LHFPL6: variants seen among roughly 807,000 people sequenced by gnomAD.
The protein encoded by LHFPL6 is LHFPL tetraspan subfamily member 6 protein.
A neutral mutation model predicts 20.6 loss-of-function variants in LHFPL6; 9 were observed. That is an observed-to-expected ratio of 0.44 (90% CI 0.26 to 0.76). LHFPL6 has a LOEUF of 0.76. Among genes scored for constraint, LHFPL6 ranks in the 30% least tolerant of loss-of-function variants. The probability of loss-of-function intolerance (pLI) is 0.20; values close to 1 mark genes in which losing one functional copy is unlikely to be tolerated. For missense variants in LHFPL6, 218 were observed against 253.5 expected (o/e 0.86, Z 0.95); for synonymous variants, 105 against 98.7 (o/e 1.06, Z -0.38).
At chr13:39,532,992 G>T (rs1480673817) in intron 2 of LHFPL6, among the ~76,000 whole-genome samples, 1 of 152,138 alleles carries the variant, frequency 6.6e-6, no homozygotes, top group Non-Finnish European at 1.5e-5. Context: ...TTTCTGAAAA[G>T]CACTTTGGAA....
intron 2 of LHFPL6, among the ~76,000 whole-genome samples, chr13:39,419,886 G>T (rs796577961): frequency 6.6e-6 from 1 of 152,072 alleles, no homozygotes; most frequent in Non-Finnish European, 1.5e-5. Flanking sequence ...AAAAATCCAA[G>T]TACTTTTTAT....
chr13:39,482,141 C>T (rs1191441615), intron 2 of LHFPL6, among the ~76,000 whole-genome samples: 1 of 152,146 alleles, frequency 6.6e-6, no homozygotes, highest in Admixed American at 6.6e-5. Flanking sequence ...TGGATGGAAT[C>T]ATATAAAAAG....
chr13:39,429,014 T>A (rs1264637377), intron 2 of LHFPL6, among the ~76,000 whole-genome samples: 4 of 152,198 alleles, frequency 2.6e-5, no homozygotes, highest in African/African-American at 9.6e-5. Flanking sequence ...TTAATTCCAT[T>A]GTGGTCAGAC....
At chr13:39,537,115 G>C (rs1357794981) in intron 2 of LHFPL6, among the ~76,000 whole-genome samples, 1 of 152,172 alleles carries the variant, frequency 6.6e-6, no homozygotes, top group African/African-American at 2.4e-5. Flanking sequence ...GTTCATTCAT[G>C]GTTCTCTGTT....
In LHFPL6 at chr13:39,426,224, C is replaced by CTT. The variant is rs148406280; in HGVS notation, c.386-47700_386-47699dup. 1.7e-3 allele frequency among the ~76,000 whole-genome samples: 245 copies of CTT among 143,812 alleles called. 1 individual carries two copies. The highest frequency in any genetic ancestry group is 5.5e-3 in the African/African-American group (218 of 39,282). The allele number at this position is 143,812 out of a possible 152,430, so 94.3% of individuals were successfully genotyped here. On this transcript the variant is annotated intron_variant, in intron 2 of 3. Transcript: ENST00000379589. ...TACTTTCTTTTCTTTTTTTCTTTTT[C>CTT]TTTTTTTTTTTTTGAGATGGAGTTT...
chr13:39,565,266 T>TA (rs67039805), intron 2 of LHFPL6, among the ~76,000 whole-genome samples: 44 of 150,058 alleles, frequency 2.9e-4, no homozygotes, highest in Middle Eastern at 3.4e-3. Context: ...AGTGTACCCT[T>TA]AAAAAAAAAA....
intron 3 of LHFPL6, among the ~76,000 whole-genome samples, chr13:39,371,115 C>A (rs1010229017): frequency 6.6e-6 from 1 of 152,176 alleles, no homozygotes; most frequent in Non-Finnish European, 1.5e-5. Context: ...TCTTTATCAA[C>A]ACTGGGAGGC....
At chr13:39,585,740 G>A (rs1566148199) in intron 2 of LHFPL6, among the ~76,000 whole-genome samples, 2 of 152,116 alleles carry the variant, frequency 1.3e-5, no homozygotes, top group South Asian at 4.1e-4. Flanking sequence ...TGCCCAATGG[G>A]ACTCTCTTAG....
chr13:39,464,700 C>CTTTTT (rs57418375), intron 2 of LHFPL6, among the ~76,000 whole-genome samples: 3 of 137,914 alleles, frequency 2.2e-5, no homozygotes, highest in Non-Finnish European at 3.2e-5. Flanking sequence ...AAAGCACAGT[C>CTTTTT]TTTTTTTTTT....
intron 3 of LHFPL6, among the ~76,000 whole-genome samples, chr13:39,377,820 T>G (rs1417284695): frequency 1.3e-5 from 2 of 152,240 alleles, no homozygotes. Context: ...ATCACATTTA[T>G]CAGAGTAGCA....
In LHFPL6 at chr13:39,510,618, G is replaced by T. The variant is rs536692044; in HGVS notation, c.385+90214C>A. Among the ~76,000 whole-genome samples, 20 of 152,206 alleles carry T rather than the reference G, an allele frequency of 1.3e-4. No individual in the cohort carries two copies. In the East Asian group the frequency reaches 3.7e-3, roughly 28 times the overall value. ...TCAACAAACCTTATGTCAATCAAGA[G>T]ATCAGAACACATCTTTCTAGAAAGA... On this transcript the variant is annotated intron_variant, in intron 2 of 3. Coordinates refer to ENST00000379589, the MANE Select transcript of LHFPL6 (RefSeq NM_005780.3).
intron 2 of LHFPL6, among the ~76,000 whole-genome samples, chr13:39,594,968 G>C (rs915646580): frequency 4.6e-5 from 7 of 152,118 alleles, no homozygotes; most frequent in African/African-American, 1.7e-4. Context: ...GGCCTATTGT[G>C]GGGTGGGTGG....
At chr13:39,489,543 T>C (rs1226303980) in intron 2 of LHFPL6, among the ~76,000 whole-genome samples, 1 of 114,442 alleles carries the variant, frequency 8.7e-6, no homozygotes, top group Non-Finnish European at 1.8e-5. Context: ...TGGAGAAGTA[T>C]GCTGTGGCTT....
At chr13:39,479,428 G>A (rs1442458335) in intron 2 of LHFPL6, among the ~76,000 whole-genome samples, 1 of 152,144 alleles carries the variant, frequency 6.6e-6, no homozygotes, top group African/African-American at 2.4e-5. Flanking sequence ...GATGTAAGCA[G>A]GCCCTGCAGT....
chr13:39,523,675 A>C (rs1870192544), intron 2 of LHFPL6, among the ~76,000 whole-genome samples: 1 of 152,236 alleles, frequency 6.6e-6, no homozygotes, highest in Non-Finnish European at 1.5e-5. Context: ...ATGAGATGTA[A>C]CAGCCTGAGA....
chr13:39,488,842 T>G lies in LHFPL6; in HGVS notation c.386-110316A>C, dbSNP rs925394796. ...GATAGCATAAGACGTCAAAAATCAA[T>G]TGTTATCAATACATCAATAACCACC... On this transcript the variant is annotated intron_variant, in intron 2 of 3. Coordinates refer to ENST00000379589, the MANE Select transcript of LHFPL6 (RefSeq NM_005780.3). Among the ~76,000 whole-genome samples the G allele has an allele frequency of 1.3e-5, 2 of 150,938 alleles. 1 individual carries two copies. The highest frequency in any genetic ancestry group is 4.2e-4 in the South Asian group (2 of 4,708).
intron 2 of LHFPL6, among the ~76,000 whole-genome samples, chr13:39,404,040 G>A (rs1871055312): frequency 6.6e-6 from 1 of 152,178 alleles, no homozygotes; most frequent in Non-Finnish European, 1.5e-5. Flanking sequence ...AACTTACCTG[G>A]ACGTATAGAG....
At chr13:39,549,295 T>G (rs997418166) in intron 2 of LHFPL6, among the ~76,000 whole-genome samples, 2 of 152,140 alleles carry the variant, frequency 1.3e-5, no homozygotes, top group African/African-American at 4.8e-5. Flanking sequence ...TACATCCATA[T>G]GCAAAGAAAA....
chr13:39,520,273 C>T (rs1206747245), intron 2 of LHFPL6, among the ~76,000 whole-genome samples: 3 of 152,262 alleles, frequency 2.0e-5, no homozygotes, highest in African/African-American at 4.8e-5. Context: ...CAGCCAGAAA[C>T]GCAGCAGGTC....
Sources: allele counts gnomAD v4.1 joint callset (sites outside exome capture counted in the v4.1 genomes callset), GRCh38; gene constraint gnomAD v4.1.1; transcripts MANE v1.5; gene names NCBI Gene and HGNC (gene_info 2026-07-23, HGNC 2026-07-21).